The following CC2D2B variants were observed in gnomAD, a reference collection of about 807,000 sequenced individuals.
CC2D2B encodes the protein coiled-coil and C2 domain containing 2B.
A neutral mutation model predicts 161.2 loss-of-function variants in CC2D2B; 128 were observed. The ratio of observed to expected loss-of-function variants is 0.79; its 90% CI spans 0.69 to 0.92. CC2D2B has a LOEUF of 0.92. Ranked by LOEUF, CC2D2B falls within the 40% of genes least tolerant of loss-of-function variation. The probability of loss-of-function intolerance (pLI) is 0.00; values close to 1 mark genes in which losing one functional copy is unlikely to be tolerated. For missense variants in CC2D2B, 1,173 were observed against 1,375.1 expected, an observed-to-expected ratio of 0.85 and a Z score of 2.32; for synonymous variants, 391 against 449.8, an observed-to-expected ratio of 0.87 and a Z score of 1.65.
intron 24 of CC2D2B, among the ~76,000 whole-genome samples, chr10:96,003,174 A>G (rs1227485987): frequency 6.6e-6 from 1 of 151,942 alleles, no homozygotes; most frequent in African/African-American, 2.4e-5. Context: ...CTCTGTGTAA[A>G]GTAACCTATT....
At chr10:96,010,585 T>C (rs1252209752) in intron 26 of CC2D2B, among the ~76,000 whole-genome samples, 1 of 152,020 alleles carries the variant, frequency 6.6e-6, no homozygotes, top group East Asian at 1.9e-4. Context: ...AGGTATGAGA[T>C]AGGTACATGG....
At chr10:96,021,677 AT>A (rs1336888944) in intron 32 of CC2D2B, 1 of 152,238 alleles carries the variant, frequency 6.6e-6, no homozygotes, top group African/African-American at 2.4e-5. Flanking sequence ...TATATGGTTT[AT>A]GTATACATAG....
chr10:95,992,498 GA>G, intron 21 of CC2D2B, 28 bp from the exon 22 acceptor site: 5 of 1,231,874 alleles, frequency 4.1e-6, no homozygotes, highest in Non-Finnish European at 5.1e-6. Context: ...AAACGTAAAT[GA>G]GGCTAATGAT....
intron 9 of CC2D2B, among the ~76,000 whole-genome samples, chr10:95,942,345 T>A (rs2076051660): frequency 6.6e-6 from 1 of 152,186 alleles, no homozygotes; most frequent in African/African-American, 2.4e-5. Context: ...ATTCAGATTT[T>A]ATATTTTCTC....
At chr10:95,993,950 GTGTATATATATATATATATATATA>G (rs2078116415) in intron 22 of CC2D2B, among the ~76,000 whole-genome samples, 2 of 13,718 alleles carry the variant, frequency 1.5e-4, no homozygotes, top group Non-Finnish European at 2.8e-4. Context: ...GTGTATGTAT[GTGTATATATATATATATATATATA>G]TATATATATA....
intron 16 of CC2D2B, among the ~76,000 whole-genome samples, chr10:95,973,550 A>C (rs1192414641): frequency 6.6e-6 from 1 of 152,032 alleles, no homozygotes; most frequent in African/African-American, 2.4e-5. Flanking sequence ...GAGATGAGGG[A>C]GAGCACTAAG....
rs2141999362 is a variant in CC2D2B at position 96,031,871 on chromosome 10, G to C, written c.4177G>C (p.Asp1393His). Reference protein sequence around the residue: ...MPYIDVQSIIDAVYQTGIHSA... With the variant: ...MPYIDVQSIIHAVYQTGIHSA... ...ATACATTGATGTACAGTCAATTATT[G>C]ATGCTGTTTATCAAACTGGAATTCA... The change falls in exon 35 of 35, where the codon GAT becomes CAT. Residue 1393 changes from aspartate to histidine, a missense_variant. By Grantham distance (81) the Asp-to-His change is moderately conservative. Transcript: ENST00000646931. 1.9e-6 allele frequency: 3 copies of C among 1,613,756 alleles called. No homozygotes were observed. The highest frequency in any genetic ancestry group is 2.2e-5 in the South Asian group (2 of 91,064).
intron 3 of CC2D2B, among the ~76,000 whole-genome samples, chr10:95,922,842 A>G (rs2098530230): frequency 1.3e-5 from 2 of 152,038 alleles, no homozygotes; most frequent in East Asian, 1.9e-4. Flanking sequence ...TCTGTTGCCT[A>G]AGGCTGGAGT....
Position 95,988,332 on chromosome 10 carries a change from T to G in CC2D2B, c.2369T>G (p.Phe790Cys). 8.2e-7 allele frequency: 1 copy of G among 1,222,352 alleles called. No homozygotes were observed. The highest frequency in any genetic ancestry group is 1.0e-6 in the Non-Finnish European group (1 of 977,794). 75.7% of individuals were successfully genotyped at this position (1,222,352 alleles called of 1,614,324 possible). Residue 790 changes from phenylalanine to cysteine, a missense_variant, in exon 20 of 35, where the codon TTT (phenylalanine) becomes TGT (cysteine). Coordinates refer to ENST00000646931, the MANE Select transcript of CC2D2B (RefSeq NM_001349008.3). Reference sequence around the variant, plus strand: ...GCACAAAGGATTAATTCTGCCAATTTTCTGAAAAAGGTAACAACACAGTAT... The same window carrying G: ...GCACAAAGGATTAATTCTGCCAATTGTCTGAAAAAGGTAACAACACAGTAT... ...ITAQRINSAN[F>C]LKKVRRLIMK... is the part of the protein sequence containing the mutation.
chr10:95,941,039 T>C (rs890533215), intron 9 of CC2D2B, among the ~76,000 whole-genome samples: 3 of 152,130 alleles, frequency 2.0e-5, no homozygotes, highest in African/African-American at 7.2e-5. Context: ...AATAAACTTA[T>C]GTATATACAG....
intron 2 of CC2D2B, among the ~76,000 whole-genome samples, chr10:95,917,658 A>G (rs1327514192): frequency 2.0e-5 from 3 of 152,220 alleles, no homozygotes; most frequent in Non-Finnish European, 4.4e-5. Flanking sequence ...TGCAAAAACA[A>G]ACAAACAAGG....
intron 9 of CC2D2B, among the ~76,000 whole-genome samples, chr10:95,947,082 A>ATATATATAT (rs2076223662): frequency 2.5e-5 from 1 of 39,500 alleles, no homozygotes; most frequent in Non-Finnish European, 5.3e-5. Context: ...TGGACTCAAA[A>ATATATATAT]ATATATATAT....
chr10:95,933,485 C>G lies in CC2D2B; in HGVS notation c.337-4506C>G, dbSNP rs186170596. 2.9e-3 allele frequency among the ~76,000 whole-genome samples: 446 copies of G among 152,238 alleles called. 2 individuals are homozygous for G. Among genetic ancestry groups the G allele is most frequent in the African/African-American group, 0.011 (438 of 41,542 alleles). On this transcript the variant is annotated intron_variant, in intron 6 of 34. Transcript: ENST00000646931. ...GCGTTCTGGTTTTTGAAATTTTCAG[C>G]CTTTTTCTGCTGTTTTTTCCTCATC...
In CC2D2B at chr10:96,003,751, G is replaced by A. The variant is rs186011218; in HGVS notation, c.2850-401G>A. The stretch of plus-strand genomic sequence containing the variant: ...GATTACAGGCGTGAGCCACCATGCC[G>A]GGCCGTAAATTCTGTATTTAAAGTC... On this transcript the variant is annotated intron_variant, in intron 24 of 34. Coordinates refer to ENST00000646931, the MANE Select transcript of CC2D2B (RefSeq NM_001349008.3). 3.3e-3 allele frequency among the ~76,000 whole-genome samples: 506 copies of A among 152,042 alleles called. 1 individual carries two copies. The highest frequency in any genetic ancestry group is 4.8e-3 in the Non-Finnish European group (329 of 67,956).
intron 34 of CC2D2B, among the ~76,000 whole-genome samples, chr10:96,027,811 T>C (rs1431306809): frequency 6.6e-6 from 1 of 152,118 alleles, no homozygotes; most frequent in East Asian, 1.9e-4. Context: ...TGGAACAGAA[T>C]AGAGAACCCG....
chr10:95,935,862 T>G (rs1440823268), intron 6 of CC2D2B, among the ~76,000 whole-genome samples: 1 of 152,214 alleles, frequency 6.6e-6, no homozygotes, highest in Non-Finnish European at 1.5e-5. Flanking sequence ...CCCTGCTTTA[T>G]TTTTCTTCAT....
chr10:95,942,349 T>C (rs2076051772), intron 9 of CC2D2B, among the ~76,000 whole-genome samples: 1 of 152,180 alleles, frequency 6.6e-6, no homozygotes, highest in African/African-American at 2.4e-5. Flanking sequence ...AGATTTTATA[T>C]TTTCTCTAAT....
intron 7 of CC2D2B, 93 bp downstream of exon 7, chr10:95,938,282 G>T: frequency 1.2e-6 from 1 of 829,782 alleles, no homozygotes; most frequent in East Asian, 2.7e-5. Context: ...AAAAAATACT[G>T]ATCTAAAATT....
chr10:95,999,563 A>G (rs2078378925), intron 24 of CC2D2B, among the ~76,000 whole-genome samples: 1 of 152,030 alleles, frequency 6.6e-6, no homozygotes, highest in African/African-American at 2.4e-5. Context: ...TTTCTAACCA[A>G]TTGAGTAATT....
Sources: allele counts gnomAD v4.1 joint callset (sites outside exome capture counted in the v4.1 genomes callset), GRCh38; gene constraint gnomAD v4.1.1; transcripts MANE v1.5; gene names NCBI Gene and HGNC (gene_info 2026-07-23, HGNC 2026-07-21).